The following KLHL18 variants were observed in gnomAD, a reference collection of about 807,000 sequenced individuals.
KLHL18 encodes kelch like family member 18, also known as kelch-like protein 18.
Under a neutral mutation model 58.5 loss-of-function variants are expected in KLHL18, and 38 were observed. The observed-to-expected ratio is 0.65, with a 90% CI of 0.50 to 0.85. The LOEUF is 0.85. Among genes scored for constraint, KLHL18 ranks in the 40% least tolerant of loss-of-function variants. KLHL18 has a pLI of 0.00. For missense variants in KLHL18, 624 were observed against 778.4 expected (o/e 0.80, Z 2.36); for synonymous variants, 303 against 301.9 (o/e 1.00, Z -0.04).
At chr3:47,336,800 A>C (rs1435245563) in intron 7 of KLHL18, 43 bp downstream of exon 7, 2 of 1,488,128 alleles carry the variant, frequency 1.3e-6, no homozygotes, top group Admixed American at 3.4e-5. Context: ...CACACTGAGC[A>C]CCTGGGGAGC....
At chr3:47,300,057 C>A (rs1384331243) in intron 1 of KLHL18, among the ~76,000 whole-genome samples, 1 of 150,182 alleles carries the variant, frequency 6.7e-6, no homozygotes, top group African/African-American at 2.4e-5. Context: ...CCCGCCATAC[C>A]TCCTCCCTCT....
intron 3 of KLHL18, among the ~76,000 whole-genome samples, chr3:47,328,843 C>T (rs544377951): frequency 4.6e-5 from 7 of 152,016 alleles, no homozygotes; most frequent in South Asian, 2.1e-4. Flanking sequence ...CAATTAGGCC[C>T]GTGGAGTCTC....
chr3:47,342,736 CGA>C lies in KLHL18; in HGVS notation c.1245_1246del (p.Met416GlufsTer13), dbSNP rs1704135882. On this transcript the variant is annotated frameshift_variant, in exon 9 of 10. Transcript: ENST00000232766. LOFTEE classifies it high-confidence loss of function. ...TCCTGAAGATGGACAGTGGTGACCT[CGA>C]TGAGCTCGAATCGCAGTGCTGCTGG... 5.0e-6 allele frequency: 8 copies of C among 1,614,026 alleles called. No individual in the cohort carries two copies. Among genetic ancestry groups the C allele is most frequent in the Non-Finnish European group, 6.8e-6 (8 of 1,179,970 alleles).
At chr3:47,316,501 GTATATATATACATATATACATATATA>G (rs1274110525) in intron 1 of KLHL18, among the ~76,000 whole-genome samples, 2 of 121,446 alleles carry the variant, frequency 1.6e-5, no homozygotes, top group African/African-American at 3.4e-5. Flanking sequence ...ACATATATAT[GTATATATATACATATATACATATATA>G]TGTATATATA....
At chr3:47,307,992 A>C (rs886423646) in intron 1 of KLHL18, among the ~76,000 whole-genome samples, 1 of 151,910 alleles carries the variant, frequency 6.6e-6, no homozygotes, top group Non-Finnish European at 1.5e-5. Flanking sequence ...TATTCTTTTA[A>C]ATTTTTGGGG....
chr3:47,319,921 C>T (rs1339039531), intron 2 of KLHL18, 138 bp downstream of exon 2: 1 of 924,092 alleles, frequency 1.1e-6, no homozygotes, highest in African/African-American at 1.7e-5. Context: ...GATTAATAAG[C>T]AGATTAGAAC....
chr3:47,322,915 G>A (rs138792412), intron 3 of KLHL18, among the ~76,000 whole-genome samples: 148 of 152,168 alleles, frequency 9.7e-4, no homozygotes, highest in African/African-American at 3.4e-3. Context: ...GATTTACATA[G>A]TCCAGCCTGC....
chr3:47,326,889 C>T (rs1703736080), intron 3 of KLHL18, among the ~76,000 whole-genome samples: 1 of 150,882 alleles, frequency 6.6e-6, no homozygotes, highest in Non-Finnish European at 1.5e-5. Context: ...CCATTGCACT[C>T]CAGCCTGGGC....
chr3:47,322,126 G>A (rs1432427368), intron 2 of KLHL18, among the ~76,000 whole-genome samples: 1 of 152,150 alleles, frequency 6.6e-6, no homozygotes, highest in Non-Finnish European at 1.5e-5. Context: ...CAATAAGATG[G>A]TAATGGCTAT....
chr3:47,313,789 A>G (rs560543746), intron 1 of KLHL18, among the ~76,000 whole-genome samples: 3 of 152,288 alleles, frequency 2.0e-5, no homozygotes, highest in East Asian at 1.9e-4. Flanking sequence ...TCCCTCTCCA[A>G]TTCCACCAGT....
At chr3:47,314,541 C>T (rs1703378270) in intron 1 of KLHL18, among the ~76,000 whole-genome samples, 2 of 151,804 alleles carry the variant, frequency 1.3e-5, no homozygotes, top group South Asian at 2.1e-4. Flanking sequence ...CTATATTGCC[C>T]ATGCAGGTCT....
intron 1 of KLHL18, among the ~76,000 whole-genome samples, chr3:47,309,300 G>A (rs1336668935): frequency 6.6e-6 from 1 of 152,132 alleles, no homozygotes; most frequent in African/African-American, 2.4e-5. Flanking sequence ...TCCCAGACGG[G>A]GCGGCGGCCG....
At chr3:47,323,786 G>C (rs1351217400) in intron 3 of KLHL18, among the ~76,000 whole-genome samples, 1 of 152,156 alleles carries the variant, frequency 6.6e-6, no homozygotes, top group Non-Finnish European at 1.5e-5. Flanking sequence ...TATCTGGTCT[G>C]TCAGCATTCC....
chr3:47,345,460 T>A lies in KLHL18; in HGVS notation c.*1519T>A, dbSNP rs1704208807. On this transcript the variant is annotated 3_prime_UTR_variant, in exon 10 of 10. Transcript: ENST00000232766. Reference sequence around the variant, plus strand: ...GATTTTATATTTCTTCCTCTAATCTTGGCAAATGACCTTTACCTTTTGGAA... The same window carrying A: ...GATTTTATATTTCTTCCTCTAATCTAGGCAAATGACCTTTACCTTTTGGAA... 6.5e-6 allele frequency: 1 copy of A among 152,674 alleles called. No individual in the cohort carries two copies. The highest frequency in any genetic ancestry group is 6.5e-5 in the Admixed American group (1 of 15,286). 9.5% of individuals were successfully genotyped at this position (152,674 alleles called of 1,614,324 possible).
At chr3:47,312,966 G>A (rs1703337844) in intron 1 of KLHL18, among the ~76,000 whole-genome samples, 1 of 142,722 alleles carries the variant, frequency 7.0e-6, no homozygotes, top group South Asian at 2.2e-4. Context: ...CTGGAGTGCA[G>A]TGGCGCAATC....
rs78997464 is a variant in KLHL18, at chr3:47,332,583, T to G, written c.601-574T>G. On this transcript the variant is annotated intron_variant, in intron 4 of 9. Coordinates refer to ENST00000232766, the MANE Select transcript of KLHL18 (RefSeq NM_025010.5). ...GGTGTCCTGTCCCTAGCTCTTAAAC[T>G]AATTAATATGACGGGGGGCGGGGGG... 7.8e-3 allele frequency among the ~76,000 whole-genome samples: 953 copies of G among 121,956 alleles called. 12 individuals carry two copies. Among genetic ancestry groups the G allele is most frequent in the African/African-American group, 0.029 (911 of 31,124 alleles). The allele number at this position is 121,956 out of a possible 152,430, so 80.0% of individuals were successfully genotyped here.
intron 1 of KLHL18, among the ~76,000 whole-genome samples, chr3:47,316,175 T>C (rs1450701779): frequency 6.6e-6 from 1 of 152,112 alleles, no homozygotes; most frequent in African/African-American, 2.4e-5. Context: ...ATAATGTCTG[T>C]AGATTGATAC....
rs190163624 is a variant in KLHL18 at position 47,328,473 on chromosome 3, T to A, written c.402-1478T>A. On this transcript the variant is annotated intron_variant, in intron 3 of 9. Transcript: ENST00000232766. The stretch of plus-strand genomic sequence containing the variant: ...GAGGTGGGTAGCTGTTGTCATCATC[T>A]TCTTTCAGGTGAGCAAATTACTGAC... Among the ~76,000 whole-genome samples the A allele has an allele frequency of 1.1e-3, 172 of 152,282 alleles. 1 individual carries two copies. Among genetic ancestry groups the A allele is most frequent in the African/African-American group, 4.0e-3 (168 of 41,564 alleles).
chr3:47,324,748 G>A (rs1559499108), intron 3 of KLHL18, among the ~76,000 whole-genome samples: 1 of 152,124 alleles, frequency 6.6e-6, no homozygotes, highest in Non-Finnish European at 1.5e-5. Context: ...TAAGGTGGGA[G>A]AACTGCTTGA....
Sources: allele counts gnomAD v4.1 joint callset (sites outside exome capture counted in the v4.1 genomes callset), GRCh38; gene constraint gnomAD v4.1.1; transcripts MANE v1.5; gene names NCBI Gene and HGNC (gene_info 2026-07-23, HGNC 2026-07-21).